GLI2: variants seen among roughly 807,000 people sequenced by gnomAD.
The protein encoded by GLI2 is GLI family zinc finger 2.
GLI2 carries 22 observed loss-of-function variants against 78.9 expected under a neutral mutation model. The observed-to-expected ratio is 0.28, with a 90% CI of 0.20 to 0.40. The LOEUF is 0.40. GLI2 is among the 10% of genes least tolerant of loss of function. GLI2 has a pLI of 1.00. For synonymous variants in GLI2, 974 were observed against 963.7 expected (o/e 1.01, Z -0.20); for missense variants, 2,097 against 2,213.2 (o/e 0.95, Z 1.05).
intron 2 of GLI2, among the ~76,000 whole-genome samples, chr2:120,807,690 G>T (rs1685026096): frequency 6.6e-6 from 1 of 152,158 alleles, no homozygotes; most frequent in Non-Finnish European, 1.5e-5. Flanking sequence ...TCAGCCCCTT[G>T]GCAAAGGGCT....
chr2:120,919,314 A>G (rs1198310161), intron 2 of GLI2, among the ~76,000 whole-genome samples: 1 of 152,248 alleles, frequency 6.6e-6, no homozygotes, highest in Non-Finnish European at 1.5e-5. Context: ...GGATGTCAAA[A>G]AGCCCTTCTC....
intron 2 of GLI2, among the ~76,000 whole-genome samples, chr2:120,908,457 G>A (rs1272509578): frequency 6.6e-6 from 1 of 152,152 alleles, no homozygotes; most frequent in Non-Finnish European, 1.5e-5. Context: ...TCTGCTTCCC[G>A]TGCAGACTCA....
chr2:120,874,830 G>A (rs1688653570), intron 2 of GLI2, among the ~76,000 whole-genome samples: 1 of 152,200 alleles, frequency 6.6e-6, no homozygotes, highest in Non-Finnish European at 1.5e-5. Flanking sequence ...AGCTGGGGGT[G>A]GAGGGTACTC....
rs773996121 is a variant in GLI2, at chr2:120,990,379, C to T, written c.4414C>T (p.Pro1472Ser). The T allele has an allele frequency of 3.7e-6, 6 of 1,614,112 alleles. No homozygotes were observed. Among genetic ancestry groups the T allele is most frequent in the Non-Finnish European group, 5.1e-6 (6 of 1,180,020 alleles). Residue 1472 changes from proline to serine, a missense_variant, in exon 14 of 14, where the codon CCC becomes TCC. By Grantham distance (74) the Pro-to-Ser change is moderately conservative. Transcript: ENST00000361492. Reference protein sequence around the residue: ...CQDSIQPQPLPSPGVNQVSST... With the variant: ...CQDSIQPQPLSSPGVNQVSST... ...GGACAGCATCCAGCCCCAGCCCTTG[C>T]CCTCACCAGGGGTCAACCAGGTGTC...
At chr2:120,972,261 A>C (rs539977776) in intron 8 of GLI2, among the ~76,000 whole-genome samples, 198 bp downstream of exon 8, 1 of 152,252 alleles carries the variant, frequency 6.6e-6, no homozygotes, top group Non-Finnish European at 1.5e-5. Context: ...GACATACTAC[A>C]TTCCCATCAC....
At chr2:120,841,848 G>GGGGTGTGTGTGTGTGTGTGTGT (rs1553455507) in intron 2 of GLI2, among the ~76,000 whole-genome samples, 4 of 132,690 alleles carry the variant, frequency 3.0e-5, no homozygotes, top group African/African-American at 5.7e-5. Context: ...CAGTCTGGAG[G>GGGGTGTGTGTGTGTGTGTGTGT]GTGTGTGTGT....
At chr2:120,852,727 A>C (rs184982269) in intron 2 of GLI2, among the ~76,000 whole-genome samples, 2 of 152,242 alleles carry the variant, frequency 1.3e-5, no homozygotes. Flanking sequence ...TGCAATACAA[A>C]CATCCCAGTG....
At position 120,968,904 on chromosome 2, in the gene GLI2, G is replaced by A. The variant is rs1403811595; in HGVS notation, c.834G>A (p.Ala278=). 1.1e-5 allele frequency: 18 copies of A among 1,611,118 alleles called. No homozygotes were observed. The highest frequency in any genetic ancestry group is 3.3e-4 in the Middle Eastern group (2 of 6,082). ...AASGSYGHLS[A]GALSPAFTFP... is the part of the protein sequence containing the mutation. ...GCGGTTCCTACGGGCATCTGTCAGC[G>A]GGTGCCCTCAGGTGAGCCCCGCCTG... is the stretch of plus-strand genomic sequence containing the variant. The change falls in exon 6 of 14, where the codon GCG becomes GCA. Residue 278 remains alanine (A), a synonymous_variant. Coordinates refer to ENST00000361492, the MANE Select transcript of GLI2 (RefSeq NM_001374353.1).
At chr2:120,965,854 G>GT (rs1285022130) in intron 5 of GLI2, among the ~76,000 whole-genome samples, 1 of 152,228 alleles carries the variant, frequency 6.6e-6, no homozygotes, top group Non-Finnish European at 1.5e-5. Flanking sequence ...CCTTCCTGCT[G>GT]TAAGAGAAAG....
chr2:120,952,656 T>C (rs1006100160), intron 4 of GLI2, among the ~76,000 whole-genome samples: 21 of 152,246 alleles, frequency 1.4e-4, no homozygotes, highest in African/African-American at 5.1e-4. Context: ...AGCTGGAATG[T>C]GACACCATTC....
chr2:120,937,845 C>A (rs1680269417), intron 3 of GLI2, among the ~76,000 whole-genome samples: 1 of 152,172 alleles, frequency 6.6e-6, no homozygotes. Flanking sequence ...CAGGCTGGGC[C>A]AGAGTTTAAG....
chr2:120,858,987 G>A lies in GLI2; in HGVS notation c.148+61519G>A, dbSNP rs72835581. Among the ~76,000 whole-genome samples the A allele has an allele frequency of 5.6e-3, 848 of 152,236 alleles. 5 individuals are homozygous for A. Among genetic ancestry groups the A allele is most frequent in the Non-Finnish European group, 7.7e-3 (525 of 68,032 alleles). Reference sequence around the variant, plus strand: ...GCGTTCTTGCCCTGGCTGTGCCTCTGCCTGAACCAGGCTTTCCGGAGGCAC... The same window carrying A: ...GCGTTCTTGCCCTGGCTGTGCCTCTACCTGAACCAGGCTTTCCGGAGGCAC... On this transcript the variant is annotated intron_variant, in intron 2 of 13. Coordinates refer to ENST00000361492, the MANE Select transcript of GLI2 (RefSeq NM_001374353.1).
intron 1 of GLI2, among the ~76,000 whole-genome samples, chr2:120,793,530 G>A (rs777720369): frequency 1.2e-4 from 18 of 152,178 alleles, no homozygotes; most frequent in Admixed American, 9.2e-4. Flanking sequence ...GACCCTGGGC[G>A]CCTGGTGTTT....
intron 1 of GLI2, among the ~76,000 whole-genome samples, chr2:120,743,318 C>T (rs1214604561): frequency 1.3e-5 from 2 of 152,234 alleles, no homozygotes; most frequent in East Asian, 1.9e-4. Flanking sequence ...GTCCTTTGTC[C>T]TTTGCTAGTT....
At chr2:120,786,763 A>G (rs1445381519) in intron 1 of GLI2, among the ~76,000 whole-genome samples, 1 of 152,136 alleles carries the variant, frequency 6.6e-6, no homozygotes, top group African/African-American at 2.4e-5. Flanking sequence ...TGCAGCAGAC[A>G]TTAGAAGTCG....
intron 2 of GLI2, among the ~76,000 whole-genome samples, chr2:120,883,794 A>G (rs928834405): frequency 2.0e-5 from 3 of 152,196 alleles, no homozygotes; most frequent in Non-Finnish European, 4.4e-5. Context: ...AATGATAGGT[A>G]GCCTCTGGCC....
intron 1 of GLI2, among the ~76,000 whole-genome samples, chr2:120,759,460 T>C (rs1683148517): frequency 6.6e-6 from 1 of 152,202 alleles, no homozygotes; most frequent in Non-Finnish European, 1.5e-5. Flanking sequence ...ATTAATGTGC[T>C]AGAACAGCTC....
Position 120,882,688 on chromosome 2 carries a change from C to T in GLI2, c.149-44673C>T, listed in dbSNP as rs1210755643. ...GATCTGACCGCCATCCAGGACGTCC[C>T]CTCTGGGTCCTGCTGGCATTACTCC... On this transcript the variant is annotated intron_variant, in intron 2 of 13. Transcript: ENST00000361492. Among the ~76,000 whole-genome samples the T allele has an allele frequency of 2.0e-5, 3 of 152,228 alleles. No individual in the cohort carries two copies. In the East Asian group the frequency reaches 5.8e-4, roughly 29 times the overall value.
chr2:120,936,894 T>C (rs371717618), intron 3 of GLI2, among the ~76,000 whole-genome samples: 9 of 152,056 alleles, frequency 5.9e-5, no homozygotes, highest in Non-Finnish European at 1.0e-4. Flanking sequence ...TGAGGGAAAA[T>C]GTGAGCAGTG....
Sources: gnomAD v4.1 joint callset for allele counts (sites outside exome capture counted in the v4.1 genomes callset) on GRCh38, gnomAD v4.1.1 for gene constraint, MANE v1.5 for transcripts, NCBI Gene and HGNC (gene_info 2026-07-23, HGNC 2026-07-21) for gene names.